The following RHCG variants were observed in gnomAD, a reference collection of about 807,000 sequenced individuals.
RHCG encodes the protein Rh family C glycoprotein.
Under a neutral mutation model 55.3 loss-of-function variants are expected in RHCG, and 39 were observed. That is an observed-to-expected ratio of 0.70 (90% CI 0.55 to 0.92). The LOEUF (loss-of-function observed/expected upper bound fraction) is 0.92, where lower values mean the gene tolerates loss of function less well. RHCG is among the 40% of genes least tolerant of loss of function. The probability of loss-of-function intolerance (pLI) is 0.00; values close to 1 mark genes in which losing one functional copy is unlikely to be tolerated. For synonymous variants in RHCG, 250 were observed against 246.8 expected (o/e 1.01, Z -0.12); for missense variants, 635 against 627.9 (o/e 1.01, Z -0.12).
intron 1 of RHCG, among the ~76,000 whole-genome samples, chr15:89,491,379 G>A (rs987945260): frequency 2.0e-5 from 3 of 152,146 alleles, no homozygotes; most frequent in African/African-American, 7.2e-5. Context: ...TTGTCCTCTT[G>A]CTTCCCATCT....
chr15:89,490,877 T>C (rs1022253623), intron 1 of RHCG, among the ~76,000 whole-genome samples: 4 of 152,022 alleles, frequency 2.6e-5, no homozygotes, highest in Non-Finnish European at 5.9e-5. Context: ...TGGCCAGGCC[T>C]GCAAATAGAG....
At chr15:89,495,905 T>C (rs1961556646) in intron 1 of RHCG, among the ~76,000 whole-genome samples, 1 of 152,144 alleles carries the variant, frequency 6.6e-6, no homozygotes, top group African/African-American at 2.4e-5. Flanking sequence ...TTGTTTTCCC[T>C]CTCCAAGCTA....
intron 9 of RHCG, among the ~76,000 whole-genome samples, chr15:89,473,217 T>A (rs1596400678): frequency 2.0e-5 from 3 of 152,330 alleles, no homozygotes; most frequent in Admixed American, 2.0e-4. Context: ...CTGAACCCAC[T>A]TTTAAAAGAT....
intron 1 of RHCG, among the ~76,000 whole-genome samples, chr15:89,488,440 C>A (rs1004652289): frequency 6.6e-6 from 1 of 152,082 alleles, no homozygotes; most frequent in Non-Finnish European, 1.5e-5. Flanking sequence ...TTATTAGTTG[C>A]AGGGGAAGAA....
At position 89,476,740 on chromosome 15, in the gene RHCG, G is replaced by T. The variant is rs1234716049; in HGVS notation, c.1311+15C>A. ...CAGCTGCCCTCCTTCAGGGGGCCAA[G>T]TCCCTGGAACTCACCTCCCAGTAGA... On this transcript the variant is annotated intron_variant, in intron 9 of 10. Coordinates refer to ENST00000268122, the MANE Select transcript of RHCG (RefSeq NM_016321.3). 1 of 1,612,092 alleles carries T rather than the reference G, an allele frequency of 6.2e-7. No individual in the cohort carries two copies. Among genetic ancestry groups the T allele is most frequent in the Non-Finnish European group, 8.5e-7 (1 of 1,178,276 alleles).
chr15:89,475,942 C>G (rs2141887933), intron 9 of RHCG, among the ~76,000 whole-genome samples: 1 of 152,254 alleles, frequency 6.6e-6, no homozygotes, highest in East Asian at 1.9e-4. Context: ...CTGGGCCCGC[C>G]CCCTTGTTTT....
intron 9 of RHCG, among the ~76,000 whole-genome samples, chr15:89,475,176 T>G (rs1476894685): frequency 1.4e-5 from 2 of 148,136 alleles, no homozygotes; most frequent in African/African-American, 2.5e-5. Context: ...CTGCCTGCCT[T>G]CCTGCCTGCC....
intron 1 of RHCG, among the ~76,000 whole-genome samples, chr15:89,493,912 G>A (rs1297532357): frequency 6.6e-6 from 1 of 152,116 alleles, no homozygotes; most frequent in African/African-American, 2.4e-5. Flanking sequence ...ATGATTAAAG[G>A]AGAGAATGCA....
chr15:89,496,508 G>A lies in RHCG; in HGVS notation c.37C>T (p.Leu13Phe), dbSNP rs1961571350. Residue 13 changes from leucine (L) to phenylalanine (F), a missense_variant, in exon 1 of 11, where the codon CTC becomes TTC. Physicochemically the swap from Leu to Phe is conservative, Grantham distance 22. Transcript: ENST00000268122. ...WNTNLRWRLP[L>F]TCLLLQVIMV... The stretch of plus-strand genomic sequence containing the variant: ...ATCACCTGCAGGAGCAGGCAGGTGA[G>A]CGGCAGCCGCCAGCGGAGGTTGGTG... 1 of 1,612,910 alleles carries A rather than the reference G, an allele frequency of 6.2e-7. No homozygotes were observed. Among genetic ancestry groups the A allele is most frequent in the Non-Finnish European group, 8.5e-7 (1 of 1,179,740 alleles).
At chr15:89,483,263 G>T in intron 2 of RHCG, 46 bp from the exon 3 acceptor site, 2 of 1,460,526 alleles carry the variant, frequency 1.4e-6, no homozygotes, top group Non-Finnish European at 1.8e-6. Flanking sequence ...ATAGCAAAAA[G>T]TGGCACTGGA....
chr15:89,471,416 G>A lies in RHCG; in HGVS notation c.*464C>T, dbSNP rs1961033459. On this transcript the variant is annotated 3_prime_UTR_variant, in exon 11 of 11. Transcript: ENST00000268122. Reference sequence around the variant, plus strand: ...TGGAGCATTCACACCATTTTACAAAGGACAACAAGAATGTTTATTCCTGGA... The same window carrying A: ...TGGAGCATTCACACCATTTTACAAAAGACAACAAGAATGTTTATTCCTGGA... 1 of 152,354 alleles carries A rather than the reference G, an allele frequency of 6.6e-6. No individual in the cohort carries two copies. Among genetic ancestry groups the A allele is most frequent in the African/African-American group, 2.4e-5 (1 of 41,458 alleles). 9.4% of individuals were successfully genotyped at this position (152,354 alleles called of 1,614,324 possible).
At chr15:89,476,578 G>A (rs1398555761) in intron 9 of RHCG, among the ~76,000 whole-genome samples, 177 bp downstream of exon 9, 1 of 152,136 alleles carries the variant, frequency 6.6e-6, no homozygotes, top group African/African-American at 2.4e-5. Flanking sequence ...GGGGTCTAGA[G>A]GGAAGAGTCT....
rs755722323 is a variant in RHCG, at chr15:89,486,959, A to G, written c.211T>C (p.Phe71Leu). 1 of 1,604,986 alleles carries G rather than the reference A, an allele frequency of 6.2e-7. No homozygotes were observed. The highest frequency in any genetic ancestry group is 8.5e-7 in the Non-Finnish European group (1 of 1,173,264). Residue 71 changes from phenylalanine to leucine, a missense_variant, in exon 2 of 11, where the codon TTC becomes CTC. By Grantham distance (22) the Phe-to-Leu change is conservative (BLOSUM62 0). Transcript: ENST00000268122. ...PSFQDVHVMV[F>L]VGFGFLMTFL... ...GTCATGAGGAAGCCGAAGCCCACGA[A>G]GACCATCACGTGCACGTCCTGGAAG...
At chr15:89,475,772 A>G (rs1046759695) in intron 9 of RHCG, among the ~76,000 whole-genome samples, 1 of 152,174 alleles carries the variant, frequency 6.6e-6, no homozygotes, top group Non-Finnish European at 1.5e-5. Context: ...CAGAGCAGTT[A>G]AATCCAAGTC....
chr15:89,472,096 G>A (rs893179615), intron 10 of RHCG, among the ~76,000 whole-genome samples: 2 of 152,184 alleles, frequency 1.3e-5, no homozygotes, highest in African/African-American at 4.8e-5. Context: ...ACAATGACCA[G>A]CAAGGACCCC....
chr15:89,490,553 A>T (rs1454771041), intron 1 of RHCG, among the ~76,000 whole-genome samples: 1 of 152,268 alleles, frequency 6.6e-6, no homozygotes, highest in African/African-American at 2.4e-5. Flanking sequence ...GTGAAGCACC[A>T]TAAATGGTAT....
At chr15:89,493,131 C>T (rs1409494981) in intron 1 of RHCG, among the ~76,000 whole-genome samples, 3 of 152,200 alleles carry the variant, frequency 2.0e-5, no homozygotes. Flanking sequence ...GCTTCGGCCT[C>T]ATGACACAGT....
At chr15:89,482,007 G>A (rs1961276715) in intron 3 of RHCG, among the ~76,000 whole-genome samples, 1 of 152,146 alleles carries the variant, frequency 6.6e-6, no homozygotes, top group African/African-American at 2.4e-5. Flanking sequence ...TCGCCATGTT[G>A]GCCAGGCTGG....
intron 10 of RHCG, 123 bp downstream of exon 10, chr15:89,472,588 G>T (rs901965743): frequency 1.0e-6 from 1 of 952,916 alleles, no homozygotes; most frequent in Non-Finnish European, 1.5e-6. Flanking sequence ...CAGGCAGGAG[G>T]GGTGGAAGCC....
Sources: allele counts gnomAD v4.1 joint callset (sites outside exome capture counted in the v4.1 genomes callset), GRCh38; gene constraint gnomAD v4.1.1; transcripts MANE v1.5; gene names NCBI Gene and HGNC (gene_info 2026-07-23, HGNC 2026-07-21).